The following BORCS5 variants were observed in gnomAD, a reference collection of about 807,000 sequenced individuals.
BORCS5 encodes BLOC-1 related complex subunit 5, also known as BLOC-1-related complex subunit 5.
Under a neutral mutation model 22.1 loss-of-function variants are expected in BORCS5, and 17 were observed. The observed-to-expected ratio is 0.77, with a 90% confidence interval of 0.53 to 1.15. The LOEUF (loss-of-function observed/expected upper bound fraction) is 1.15. Among genes scored for constraint, BORCS5 ranks in the 50% most tolerant of loss-of-function variants. BORCS5 has a pLI of 0.00. For missense variants in BORCS5, 247 were observed against 253.2 expected (o/e 0.98, Z 0.17); for synonymous variants, 117 against 99.8 (o/e 1.17, Z -1.03).
chr12:12,429,572 A>G (rs1176203136), intron 2 of BORCS5, among the ~76,000 whole-genome samples: 2 of 150,486 alleles, frequency 1.3e-5, no homozygotes, highest in East Asian at 1.9e-4. Context: ...ATTTATAAGA[A>G]TGACTTAAAG....
chr12:12,383,603 C>CTTT (rs574652118), intron 2 of BORCS5, among the ~76,000 whole-genome samples: 1 of 139,540 alleles, frequency 7.2e-6, no homozygotes, highest in Non-Finnish European at 1.6e-5. Flanking sequence ...ATGTCTTTGT[C>CTTT]TTTTTTTTTT....
At chr12:12,363,897 GA>G (rs990406746) in intron 2 of BORCS5, among the ~76,000 whole-genome samples, 63 of 139,162 alleles carry the variant, frequency 4.5e-4, no homozygotes, top group South Asian at 1.8e-3. Flanking sequence ...CTCCATCTCA[GA>G]AAAAAAAAAA....
intron 2 of BORCS5, among the ~76,000 whole-genome samples, chr12:12,426,200 C>T (rs7970856): frequency 0.99 from 150,147 of 152,264 alleles, 74,066 homozygotes; most frequent in East Asian, 1. Context: ...AGCAAGCCTG[C>T]GAACCTGGAA....
At chr12:12,423,390 CT>C (rs1248860918) in intron 2 of BORCS5, among the ~76,000 whole-genome samples, 5 of 147,192 alleles carry the variant, frequency 3.4e-5, no homozygotes, top group African/African-American at 1.3e-4. Flanking sequence ...GCAGGACCCC[CT>C]TTAGCATTTC....
rs144837292 is a variant in BORCS5, at chr12:12,451,556, A to T, written c.361-13990A>T. 5.8e-3 allele frequency among the ~76,000 whole-genome samples: 885 copies of T among 152,130 alleles called. 5 individuals are homozygous for T. Among genetic ancestry groups the T allele is most frequent in the Non-Finnish European group, 0.01 (712 of 67,910 alleles). ...AAAATAAATAAATCACATAGGAACT[A>T]CTCAATTTCCTTAAAATCACTGAGC... On this transcript the variant is annotated intron_variant, in intron 3 of 3. Transcript: ENST00000314565.
chr12:12,417,523 T>A (rs957562454), intron 2 of BORCS5, among the ~76,000 whole-genome samples: 1 of 152,194 alleles, frequency 6.6e-6, no homozygotes, highest in Non-Finnish European at 1.5e-5. Context: ...ATCTTCTGTT[T>A]GGTGGTTCTA....
intron 3 of BORCS5, among the ~76,000 whole-genome samples, chr12:12,450,444 T>A (rs1489928963): frequency 6.6e-6 from 1 of 152,232 alleles, no homozygotes; most frequent in Non-Finnish European, 1.5e-5. Flanking sequence ...TGCTAACAGT[T>A]TATTCCCTTT....
At chr12:12,445,883 G>A (rs1461595127) in intron 3 of BORCS5, among the ~76,000 whole-genome samples, 1 of 149,970 alleles carries the variant, frequency 6.7e-6, no homozygotes, top group Non-Finnish European at 1.5e-5. Flanking sequence ...GCCTCAAGCA[G>A]TCCTCCCACA....
intron 2 of BORCS5, among the ~76,000 whole-genome samples, chr12:12,421,201 CTTA>C (rs1297686441): frequency 1.3e-5 from 2 of 152,064 alleles, no homozygotes; most frequent in Non-Finnish European, 2.9e-5. Context: ...ATTAATAGCT[CTTA>C]TTATTTTGAG....
chr12:12,368,668 C>G (rs1326242409), intron 2 of BORCS5, among the ~76,000 whole-genome samples: 2 of 151,052 alleles, frequency 1.3e-5, no homozygotes, highest in Non-Finnish European at 2.9e-5. Context: ...TGGTCTCAAG[C>G]CCTGGGCTCA....
chr12:12,431,905 G>T (rs1354546459), intron 2 of BORCS5, among the ~76,000 whole-genome samples: 2 of 151,228 alleles, frequency 1.3e-5, no homozygotes, highest in African/African-American at 2.4e-5. Context: ...TGTTAGCCAG[G>T]CTGGTCTTGA....
chr12:12,423,738 G>C (rs779980948), intron 2 of BORCS5, among the ~76,000 whole-genome samples: 11 of 152,032 alleles, frequency 7.2e-5, no homozygotes, highest in Non-Finnish European at 1.3e-4. Flanking sequence ...ACCCAGGCTA[G>C]AGTGCAGTAG....
At chr12:12,384,243 A>T (rs768398695) in intron 2 of BORCS5, among the ~76,000 whole-genome samples, 11 of 150,956 alleles carry the variant, frequency 7.3e-5, no homozygotes, top group Non-Finnish European at 1.6e-4. Context: ...TGGCCTCCCA[A>T]AGTGCTGGGA....
intron 2 of BORCS5, among the ~76,000 whole-genome samples, chr12:12,431,894 G>A (rs138042022): frequency 0.018 from 2,701 of 150,116 alleles, 84 homozygotes; most frequent in African/African-American, 0.061. Context: ...GGGTTTCACC[G>A]TGTTAGCCAG....
At chr12:12,415,974 G>T (rs1434995858) in intron 2 of BORCS5, among the ~76,000 whole-genome samples, 1 of 152,062 alleles carries the variant, frequency 6.6e-6, no homozygotes, top group East Asian at 1.9e-4. Flanking sequence ...TTTATCAGGA[G>T]ATTTTTTTAT....
chr12:12,429,038 G>T (rs1808586616), intron 2 of BORCS5, among the ~76,000 whole-genome samples: 1 of 152,200 alleles, frequency 6.6e-6, no homozygotes, highest in Non-Finnish European at 1.5e-5. Flanking sequence ...TAATGTGGGT[G>T]AGTGGAGCTG....
chr12:12,401,175 G>C (rs940148803), intron 2 of BORCS5, among the ~76,000 whole-genome samples: 2 of 152,004 alleles, frequency 1.3e-5, no homozygotes, highest in South Asian at 2.1e-4. Flanking sequence ...ATGTAACTAG[G>C]AACAAATTGC....
chr12:12,453,537 A>T (rs1195229731), intron 3 of BORCS5, among the ~76,000 whole-genome samples: 1 of 152,208 alleles, frequency 6.6e-6, no homozygotes, highest in African/African-American at 2.4e-5. Context: ...TAAACTCGAA[A>T]GTGGCCATCT....
intron 2 of BORCS5, among the ~76,000 whole-genome samples, chr12:12,394,885 A>G (rs1035465767): frequency 1.3e-5 from 2 of 152,072 alleles, no homozygotes; most frequent in Admixed American, 6.6e-5. Context: ...AAATATTAAC[A>G]TCATCCACAT....
Sources: allele counts gnomAD v4.1 joint callset (sites outside exome capture counted in the v4.1 genomes callset), GRCh38; gene constraint gnomAD v4.1.1; transcripts MANE v1.5; gene names NCBI Gene and HGNC (gene_info 2026-07-23, HGNC 2026-07-21).